Variants in DRC3 observed in about 807,000 individuals in gnomAD.
DRC3 encodes the protein dynein regulatory complex subunit 3.
Under a neutral mutation model 57.6 loss-of-function variants are expected in DRC3, and 45 were observed. The observed-to-expected ratio is 0.78, with a 90% CI of 0.62 to 1.00. The LOEUF is 1.00. DRC3 is among the 50% of genes least tolerant of loss of function. The pLI, the probability that DRC3 is intolerant of heterozygous loss-of-function variation, is 0.00. For missense variants in DRC3, 655 were observed against 675.2 expected, an observed-to-expected ratio of 0.97 and a Z score of 0.33; for synonymous variants, 257 against 272.3, an observed-to-expected ratio of 0.94 and a Z score of 0.55.
chr17:18,011,280 G>A, intron 12 of DRC3: 1 of 318,564 alleles, frequency 3.1e-6, no homozygotes, highest in Non-Finnish European at 6.0e-6. Context: ...TAAAGATTAT[G>A]CCAGTGCAGA....
chr17:18,000,274 C>G (rs1383177091), intron 9 of DRC3, among the ~76,000 whole-genome samples: 1 of 132,098 alleles, frequency 7.6e-6, no homozygotes, highest in South Asian at 2.5e-4. Flanking sequence ...GTGTGCATAG[C>G]ATGCCTTGCT....
intron 10 of DRC3, 75 bp downstream of exon 10, chr17:18,004,569 C>T: frequency 6.6e-7 from 1 of 1,525,478 alleles, no homozygotes; most frequent in Non-Finnish European, 8.9e-7. Flanking sequence ...CTGTAGCCTT[C>T]ATGGGCACGC....
chr17:18,016,310 A>G, intron 13 of DRC3, 115 bp downstream of exon 13: 2 of 1,190,058 alleles, frequency 1.7e-6, no homozygotes, highest in Non-Finnish European at 2.4e-6. Context: ...AGGAAGAAAT[A>G]AAATTAAGGA....
rs1597660603 is a variant in DRC3, at chr17:18,016,577, T to C, written c.1478T>C (p.Met493Thr). The C allele has an allele frequency of 6.2e-7, 1 of 1,613,562 alleles. No individual in the cohort carries two copies. The highest frequency in any genetic ancestry group is 1.3e-5 in the African/African-American group (1 of 74,988). ...LIDRIHKDEI[M>T]RNRKRVKEIN... ...CCTCAGATTCACAAGGATGAGATCA[T>C]GAGGAACCGCAAGCGCGTGAAGGAG... The change falls in exon 14 of 14, where the codon ATG becomes ACG. Residue 493 changes from methionine (M) to threonine (T), a missense_variant. Transcript: ENST00000399187.
At chr17:18,010,880 C>G in intron 12 of DRC3, 2 of 358,102 alleles carry the variant, frequency 5.6e-6, no homozygotes, top group South Asian at 4.6e-5. Context: ...CTCTTCTCCC[C>G]GCCCATCAAG....
rs2043398099 is a variant in DRC3, at chr17:17,995,009, T to A, written c.722T>A (p.Val241Glu). 1 of 1,613,902 alleles carries A rather than the reference T, an allele frequency of 6.2e-7. No homozygotes were observed. The highest frequency in any genetic ancestry group is 1.7e-4 in the Middle Eastern group (1 of 6,060). ...EELEKHKTAF[V>E]EHLNGSFLFD... Reference sequence around the variant, plus strand: ...TGTTTCTGCCTGCAGACTGCGTTTGTGGAACACCTGAATGGCTCCTTCCTG... The same window carrying A: ...TGTTTCTGCCTGCAGACTGCGTTTGAGGAACACCTGAATGGCTCCTTCCTG... The change falls in exon 8 of 14, where the codon GTG becomes GAG. Residue 241 changes from valine to glutamate, a missense_variant. Coordinates refer to ENST00000399187, the MANE Select transcript of DRC3 (RefSeq NM_031294.4).
At chr17:17,982,303 C>T (rs544960849) in intron 3 of DRC3, among the ~76,000 whole-genome samples, 4 of 151,548 alleles carry the variant, frequency 2.6e-5, no homozygotes, top group African/African-American at 9.7e-5. Flanking sequence ...GAAAGCTCCG[C>T]CTCCTGGGTT....
chr17:17,973,228 G>C (rs1293095087), intron 1 of DRC3: 1 of 151,754 alleles, frequency 6.6e-6, no homozygotes, highest in African/African-American at 2.4e-5. Context: ...AGCAGGGCCA[G>C]AATGGATTTT....
intron 6 of DRC3, 156 bp from the exon 7 acceptor site, chr17:17,994,143 C>G: frequency 1.0e-6 from 1 of 953,840 alleles, no homozygotes; most frequent in Non-Finnish European, 1.5e-6. Flanking sequence ...GCATTCTCAT[C>G]CACGAGACCT....
chr17:17,991,575 C>T (rs768168183), intron 5 of DRC3, among the ~76,000 whole-genome samples: 5 of 152,008 alleles, frequency 3.3e-5, no homozygotes, highest in Non-Finnish European at 7.4e-5. Flanking sequence ...GGATTACAGG[C>T]GTGAGCCTTG....
At chr17:17,975,272 C>A (rs1032285750) in intron 2 of DRC3, among the ~76,000 whole-genome samples, 3 of 149,732 alleles carry the variant, frequency 2.0e-5, no homozygotes, top group Non-Finnish European at 3.0e-5. Context: ...TGCAGTGGTG[C>A]ACGATCTCGG....
At chr17:18,011,350 A>G (rs2044161116) in intron 12 of DRC3, 4 of 347,022 alleles carry the variant, frequency 1.2e-5, no homozygotes, top group South Asian at 8.7e-5. Context: ...CAGGGATTAC[A>G]ATGGCCGTGT....
intron 5 of DRC3, 92 bp from the exon 6 acceptor site, chr17:17,992,673 G>A (rs969827891): frequency 3.3e-5 from 46 of 1,382,438 alleles, no homozygotes; most frequent in Non-Finnish European, 4.3e-5. Context: ...TGGCCAGGCT[G>A]ACTCTGAAAG....
intron 9 of DRC3, among the ~76,000 whole-genome samples, chr17:18,003,178 CCTCT>C (rs1302192586): frequency 6.6e-6 from 1 of 151,930 alleles, no homozygotes; most frequent in African/African-American, 2.4e-5. Flanking sequence ...GGACTCCCTC[CCTCT>C]GATGATAAGA....
rs1235222748 is a variant in DRC3, at chr17:18,006,270, G to A, written c.1202+17G>A. 1.3e-6 allele frequency: 2 copies of A among 1,590,636 alleles called. No individual in the cohort carries two copies. Among genetic ancestry groups the A allele is most frequent in the Admixed American group, 1.7e-5 (1 of 59,100 alleles). ...CCAAAGCCTATATCCTTTCTGTGAT[G>A]ACCTTCCCCATGGGGAGGTGCTACA... On this transcript the variant is annotated intron_variant, in intron 11 of 13. Coordinates refer to ENST00000399187, the MANE Select transcript of DRC3 (RefSeq NM_031294.4).
At chr17:17,975,525 C>A (rs910050361) in intron 2 of DRC3, among the ~76,000 whole-genome samples, 166 of 145,498 alleles carry the variant, frequency 1.1e-3, no homozygotes, top group African/African-American at 3.3e-3. Context: ...ACCCCCCCCC[C>A]AAAAAAAAGG....
intron 4 of DRC3, among the ~76,000 whole-genome samples, chr17:17,984,514 C>T (rs1226744025): frequency 6.6e-6 from 1 of 152,184 alleles, no homozygotes; most frequent in Non-Finnish European, 1.5e-5. Context: ...CTGCTGGCCT[C>T]TTAGGAGCAT....
At chr17:17,973,274 A>G (rs2042218292) in intron 1 of DRC3, among the ~76,000 whole-genome samples, 2 of 152,264 alleles carry the variant, frequency 1.3e-5, no homozygotes, top group South Asian at 4.2e-4. Flanking sequence ...TTTCATAGAA[A>G]GAGAGGTACC....
chr17:17,974,327 A>G (rs889919265), intron 2 of DRC3, among the ~76,000 whole-genome samples: 1 of 152,230 alleles, frequency 6.6e-6, no homozygotes, highest in African/African-American at 2.4e-5. Flanking sequence ...TACTGTTGCT[A>G]GAGTGAGCTT....
Sources: allele counts gnomAD v4.1 joint callset (sites outside exome capture counted in the v4.1 genomes callset), GRCh38; gene constraint gnomAD v4.1.1; transcripts MANE v1.5; gene names NCBI Gene and HGNC (gene_info 2026-07-23, HGNC 2026-07-21).